ZNF365: variants seen among roughly 807,000 people sequenced by gnomAD.
The protein encoded by ZNF365 is zinc finger protein 365.
Under a neutral mutation model 35.0 loss-of-function variants are expected in ZNF365, and 22 were observed. The observed-to-expected ratio is 0.63, with a 90% CI of 0.45 to 0.90. The LOEUF is 0.90. Ranked by LOEUF, ZNF365 falls within the 40% of genes least tolerant of loss-of-function variation. The pLI is 0.00. For missense variants in ZNF365, 448 were observed against 500.3 expected (o/e 0.90, Z 1.00); for synonymous variants, 188 against 196.2 (o/e 0.96, Z 0.35).
intron 3 of ZNF365, among the ~76,000 whole-genome samples, chr10:62,422,546 C>T (rs918266502): frequency 1.3e-5 from 2 of 152,168 alleles, no homozygotes; most frequent in African/African-American, 4.8e-5. Flanking sequence ...TGATGCACAA[C>T]ATGTCTATGG....
chr10:62,454,862 C>G (rs1333882658), intron 3 of ZNF365, among the ~76,000 whole-genome samples: 1 of 152,194 alleles, frequency 6.6e-6, no homozygotes, highest in Non-Finnish European at 1.5e-5. Context: ...TTCAGTAGAA[C>G]AGGCTCTGAG....
chr10:62,403,611 T>A (rs1385366463), downstream of ZNF365, among the ~76,000 whole-genome samples: 5 of 152,060 alleles, frequency 3.3e-5, no homozygotes, highest in African/African-American at 9.7e-5. Context: ...TGAGCTGAGA[T>A]CGCGCCACTG....
intron 3 of ZNF365, among the ~76,000 whole-genome samples, chr10:62,415,800 G>A (rs1840064355): frequency 6.6e-6 from 1 of 152,140 alleles, no homozygotes; most frequent in African/African-American, 2.4e-5. Flanking sequence ...TTTAACAGCA[G>A]TCTGGGAAAG....
At chr10:62,396,806 A>T (rs1271113448) in intron 3 of ZNF365, among the ~76,000 whole-genome samples, 1 of 152,248 alleles carries the variant, frequency 6.6e-6, no homozygotes, top group Non-Finnish European at 1.5e-5. Flanking sequence ...AGCAGTATGT[A>T]TACAAATGTA....
chr10:62,420,397 A>G (rs776387819), intron 3 of ZNF365, among the ~76,000 whole-genome samples: 3 of 152,198 alleles, frequency 2.0e-5, no homozygotes, highest in Non-Finnish European at 4.4e-5. Context: ...CATCTTTGTA[A>G]CACTGAGACT....
rs746375623 is a variant in ZNF365, at chr10:62,389,434, G to GTT, written c.924+861_924+862dup. Among the ~76,000 whole-genome samples, 109 of 101,052 alleles carry GTT rather than the reference G, an allele frequency of 1.1e-3. 1 individual carries two copies. In the East Asian group the frequency reaches 0.027, roughly 25 times the overall value. 66.3% of individuals were successfully genotyped at this position (101,052 alleles called of 152,430 possible). ...CTCCTTCCTAGCAGATTTAAAAATA[G>GTT]TTTTGTTTTTTTTTTTACTGCTTCC... On this transcript the variant is annotated intron_variant, in intron 3 of 4. Transcript: ENST00000395254.
At chr10:62,434,655 T>G (rs1472676654) in intron 3 of ZNF365, among the ~76,000 whole-genome samples, 1 of 152,142 alleles carries the variant, frequency 6.6e-6, no homozygotes, top group Non-Finnish European at 1.5e-5. Context: ...AAAGCCTGCC[T>G]CAGAAGGACA....
At chr10:62,441,960 C>G (rs768203509) in intron 3 of ZNF365, among the ~76,000 whole-genome samples, 3 of 152,084 alleles carry the variant, frequency 2.0e-5, no homozygotes, top group African/African-American at 7.2e-5. Flanking sequence ...ATTCCGGAGC[C>G]CCGTCAATCA....
chr10:62,471,161 T>G (rs539860422), intron 4 of ZNF365, among the ~76,000 whole-genome samples: 11 of 152,086 alleles, frequency 7.2e-5, no homozygotes, highest in African/African-American at 2.7e-4. Flanking sequence ...GGTCAGGAGA[T>G]CGAGATCATC....
intron 4 of ZNF365, among the ~76,000 whole-genome samples, chr10:62,465,961 G>A (rs1189201323): frequency 6.6e-6 from 1 of 152,152 alleles, no homozygotes. Context: ...GCACCCAGAA[G>A]CCACCCCATG....
intron 3 of ZNF365, among the ~76,000 whole-genome samples, chr10:62,457,406 T>C (rs1477334941): frequency 6.6e-6 from 1 of 152,230 alleles, no homozygotes; most frequent in East Asian, 1.9e-4. Flanking sequence ...GGTTGTACAC[T>C]TTGGCCTAGA....
chr10:62,403,662 AAAAC>A (rs1357914709), downstream of ZNF365, among the ~76,000 whole-genome samples: 1 of 152,198 alleles, frequency 6.6e-6, no homozygotes. Flanking sequence ...CATCTCAAAA[AAAAC>A]AAAAACAACA....
intron 3 of ZNF365, among the ~76,000 whole-genome samples, chr10:62,443,502 TTATCA>T (rs1474399558): frequency 6.6e-6 from 1 of 152,218 alleles, no homozygotes; most frequent in Non-Finnish European, 1.5e-5. Context: ...GTTACATGGC[TTATCA>T]TGTTTCCAGA....
Position 62,398,987 on chromosome 10 carries a change from A to G in ZNF365, c.962+210A>G, listed in dbSNP as rs2306970. On this transcript the variant is annotated intron_variant, in intron 4 of 4. Transcript: ENST00000395254. Reference sequence around the variant, plus strand: ...ATATCCTACTAGTCTATTAGTATATACCACTATGATGGCACTGGAGGAATA... The same window carrying G: ...ATATCCTACTAGTCTATTAGTATATGCCACTATGATGGCACTGGAGGAATA... Among the ~76,000 whole-genome samples the G allele has an allele frequency of 0.66, 99,810 of 152,082 alleles. 33,582 individuals are homozygous for G. Among genetic ancestry groups the G allele is most frequent in the East Asian group, 0.86 (4,428 of 5,178 alleles).
At chr10:62,385,895 A>C (rs913340854) in intron 2 of ZNF365, among the ~76,000 whole-genome samples, 1 of 152,168 alleles carries the variant, frequency 6.6e-6, no homozygotes, top group African/African-American at 2.4e-5. Context: ...AATTTTTAAA[A>C]ATGGTACTTT....
At chr10:62,419,212 T>C (rs1239197304) in intron 3 of ZNF365, among the ~76,000 whole-genome samples, 1 of 152,088 alleles carries the variant, frequency 6.6e-6, no homozygotes, top group African/African-American at 2.4e-5. Flanking sequence ...TTAAAGATGG[T>C]ACTATGTACT....
chr10:62,399,316 C>G (rs929158979), intron 4 of ZNF365, among the ~76,000 whole-genome samples: 1 of 152,046 alleles, frequency 6.6e-6, no homozygotes, highest in Non-Finnish European at 1.5e-5. Flanking sequence ...AGTAATATCT[C>G]CCTGGGAATT....
Position 62,453,720 on chromosome 10 carries a change from A to G in ZNF365, c.925-6021A>G, listed in dbSNP as rs145578016. Among the ~76,000 whole-genome samples the G allele has an allele frequency of 4.3e-3, 653 of 152,312 alleles. 4 individuals carry two copies. Among genetic ancestry groups the G allele is most frequent in the African/African-American group, 0.015 (624 of 41,582 alleles). ...TTTGAGAAACTGTACTCTTTGACAA[A>G]GAAATTCTACTTCTATAGATTTTTT... is the stretch of plus-strand genomic sequence containing the variant. On this transcript the variant is annotated intron_variant, in intron 3 of 4. Coordinates refer to the ZNF365 transcript ENST00000395255.
chr10:62,461,609 T>C (rs1426194040), intron 4 of ZNF365, among the ~76,000 whole-genome samples: 1 of 152,232 alleles, frequency 6.6e-6, no homozygotes, highest in Non-Finnish European at 1.5e-5. Context: ...TGGATGTAGC[T>C]GCTCAATAAG....
Sources: allele counts gnomAD v4.1 joint callset (sites outside exome capture counted in the v4.1 genomes callset), GRCh38; gene constraint gnomAD v4.1.1; transcripts MANE v1.5; gene names NCBI Gene and HGNC (gene_info 2026-07-23, HGNC 2026-07-21).